MEF2A: variants seen among roughly 807,000 people sequenced by gnomAD.
MEF2A encodes myocyte-specific enhancer factor 2A.
MEF2A carries 28 observed loss-of-function variants against 55.8 expected under a neutral mutation model. That is an observed-to-expected ratio of 0.50 (90% confidence interval 0.37 to 0.69). The LOEUF is 0.69. Among genes scored for constraint, MEF2A ranks in the 30% least tolerant of loss-of-function variants. The pLI, the probability that MEF2A is intolerant of heterozygous loss-of-function variation, is 0.00. For synonymous variants in MEF2A, 239 were observed against 227.1 expected (o/e 1.05, Z -0.47); for missense variants, 528 against 626.2 (o/e 0.84, Z 1.67).
chr15:99,591,744 T>A (rs960586410), intron 1 of MEF2A, among the ~76,000 whole-genome samples: 3 of 152,190 alleles, frequency 2.0e-5, no homozygotes, highest in Non-Finnish European at 2.9e-5. Context: ...TTTTGTCATC[T>A]TCTTTTCTGC....
At chr15:99,702,355 G>T (rs147242494) in intron 8 of MEF2A, among the ~76,000 whole-genome samples, 1 of 151,482 alleles carries the variant, frequency 6.6e-6, no homozygotes, top group Admixed American at 6.6e-5. Context: ...AGTAAAACAA[G>T]TAAAAACTGA....
rs3979129 is a variant in MEF2A at position 99,695,541 on chromosome 15, T to TTGTGTG, written c.858+5137_858+5142dup. ...AGCGTCAGTTAAAAGATTGTCAGAT[T>TTGTGTG]TGTGTGTGTGTGTGTGTGTGTGTGT... On this transcript the variant is annotated intron_variant, in intron 8 of 11. Transcript: ENST00000557942. Among the ~76,000 whole-genome samples the TTGTGTG allele has an allele frequency of 8.1e-3, 1,173 of 144,718 alleles. 4 individuals are homozygous for TTGTGTG. Among genetic ancestry groups the TTGTGTG allele is most frequent in the Middle Eastern group, 0.021 (6 of 286 alleles). 94.9% of individuals were successfully genotyped at this position (144,718 alleles called of 152,430 possible).
chr15:99,711,418 A>G (rs1032950935), intron 11 of MEF2A, among the ~76,000 whole-genome samples: 4 of 152,308 alleles, frequency 2.6e-5, no homozygotes, highest in South Asian at 2.1e-4. Flanking sequence ...AGCAAAGAGG[A>G]TTTACAGTGG....
intron 4 of MEF2A, among the ~76,000 whole-genome samples, chr15:99,656,925 G>A (rs958975976): frequency 1.3e-4 from 20 of 151,912 alleles, no homozygotes; most frequent in Admixed American, 3.9e-4. Context: ...TCATCAATCC[G>A]AAAAGAAACC....
chr15:99,686,872 T>A (rs369318036), intron 7 of MEF2A, among the ~76,000 whole-genome samples: 269 of 152,212 alleles, frequency 1.8e-3, no homozygotes, highest in African/African-American at 4.9e-3. Flanking sequence ...TTTGGCTGTT[T>A]AGCGTAATCT....
rs2058776028 is a variant in MEF2A at position 99,712,549 on chromosome 15, A to AGCCCCAGCCACAACCC, written c.1296_1297insGCCCCAGCCACAACCC (p.Pro433AlafsTer33). The AGCCCCAGCCACAACCC allele has an allele frequency of 1.3e-6, 2 of 1,550,070 alleles. No homozygotes were observed. The stretch of plus-strand genomic sequence containing the variant: ...AGCAGCAGCAGCAGCCGCCGCCACC[A>AGCCCCAGCCACAACCC]CCGCAGCCCCAGCCACAACCCCCGC... On this transcript the variant is annotated frameshift_variant, in exon 12 of 12. Coordinates refer to ENST00000557942, the MANE Select transcript of MEF2A (RefSeq NM_001319206.4). LOFTEE classifies it high-confidence loss of function. The surrounding 1 kb of genome is among the most constrained non-coding windows in gnomAD (Gnocchi z 4.1).
At chr15:99,662,809 T>C (rs1206411957) in intron 4 of MEF2A, among the ~76,000 whole-genome samples, 6 of 152,208 alleles carry the variant, frequency 3.9e-5, no homozygotes, top group Non-Finnish European at 7.3e-5. Flanking sequence ...TACAAGCACT[T>C]GCTTATACTT....
chr15:99,618,141 A>G (rs143259871), intron 2 of MEF2A, among the ~76,000 whole-genome samples: 115 of 152,310 alleles, frequency 7.6e-4, no homozygotes, highest in African/African-American at 2.3e-3. Flanking sequence ...ATAATCTTCA[A>G]TTAATATTAC....
Position 99,633,019 on chromosome 15 carries a change from TGAA to T in MEF2A, c.-100_-98del. ...CAGCTGTAGCCCTTGGACTAGAAGCTGAAATAACAGAAGCTGTGTACGATGCAT... is the reference window on the plus strand; with the variant it reads ...CAGCTGTAGCCCTTGGACTAGAAGCTATAACAGAAGCTGTGTACGATGCAT... On this transcript the variant is annotated 5_prime_UTR_variant, in exon 3 of 12. Transcript: ENST00000557942. The T allele has an allele frequency of 1.1e-6, 1 of 947,794 alleles. No individual in the cohort carries two copies. Among genetic ancestry groups the T allele is most frequent in the East Asian group, 2.8e-5 (1 of 35,706 alleles). The allele number at this position is 947,794 out of a possible 1,614,324, so 58.7% of individuals were successfully genotyped here. A position where few individuals can be genotyped will look rare whatever the true frequency, so the allele number is the denominator to read the frequency against.
rs1179247489 is a variant in MEF2A at position 99,715,259 on chromosome 15, G to GTACAT, written c.*2490_*2494dup. 6.6e-6 allele frequency: 1 copy of GTACAT among 152,116 alleles called. No individual in the cohort carries two copies. Among genetic ancestry groups the GTACAT allele is most frequent in the Admixed American group, 6.5e-5 (1 of 15,276 alleles). The allele number at this position is 152,116 out of a possible 1,614,324, so 9.4% of individuals were successfully genotyped here. A position where few individuals can be genotyped will look rare whatever the true frequency, so the allele number is the denominator to read the frequency against. ...TTATGCATGTTCATGAACTTCTGCTGTACATTGGAATAGGAGTTAACACAT... is the reference window on the plus strand; with the variant it reads ...TTATGCATGTTCATGAACTTCTGCTGTACATTACATTGGAATAGGAGTTAACACAT... On this transcript the variant is annotated 3_prime_UTR_variant, in exon 12 of 12. Coordinates refer to ENST00000557942, the MANE Select transcript of MEF2A (RefSeq NM_001319206.4).
intron 2 of MEF2A, among the ~76,000 whole-genome samples, chr15:99,629,630 G>C (rs2042615368): frequency 6.6e-6 from 1 of 152,102 alleles, no homozygotes; most frequent in South Asian, 2.1e-4. Context: ...GGCGTGCCTG[G>C]GCATCTAACA....
At chr15:99,608,643 A>C (rs960708959) in intron 2 of MEF2A, among the ~76,000 whole-genome samples, 1 of 152,210 alleles carries the variant, frequency 6.6e-6, no homozygotes, top group Non-Finnish European at 1.5e-5. Context: ...TCACGCCTGT[A>C]ATGTCAGCAT....
chr15:99,716,261 T>C lies in MEF2A; in HGVS notation c.*3490T>C, dbSNP rs1268990790. 2.9e-6 allele frequency: 1 copy of C among 340,866 alleles called. No individual in the cohort carries two copies. The highest frequency in any genetic ancestry group is 7.6e-5 in the East Asian group (1 of 13,174). 21.1% of individuals were successfully genotyped at this position (340,866 alleles called of 1,614,324 possible). On this transcript the variant is annotated 3_prime_UTR_variant, in exon 12 of 12. Coordinates refer to ENST00000557942, the MANE Select transcript of MEF2A (RefSeq NM_001319206.4). Reference sequence around the variant, plus strand: ...CAAGAAGCTGTACACGGTTTGATCATGTAAAACCGTTTGGCGGCACAAGCT... The same window carrying C: ...CAAGAAGCTGTACACGGTTTGATCACGTAAAACCGTTTGGCGGCACAAGCT...
intron 4 of MEF2A, among the ~76,000 whole-genome samples, chr15:99,651,068 C>T (rs2046771557): frequency 6.6e-6 from 1 of 151,982 alleles, no homozygotes; most frequent in Admixed American, 6.6e-5. Context: ...TTTTTTAAAC[C>T]CTCTAAAAAG....
chr15:99,577,671 A>G (rs1964719623), intron 1 of MEF2A, among the ~76,000 whole-genome samples: 1 of 150,718 alleles, frequency 6.6e-6, no homozygotes, highest in Non-Finnish European at 1.5e-5. Flanking sequence ...TTTTTCTTCT[A>G]ATGGTGTTTA....
chr15:99,715,546 C>T lies in MEF2A; in HGVS notation c.*2775C>T, dbSNP rs535489758. 7 of 152,342 alleles carry T rather than the reference C, an allele frequency of 4.6e-5. No individual in the cohort carries two copies. In the South Asian group the frequency reaches 1.4e-3, roughly 32 times the overall value. 9.4% of individuals were successfully genotyped at this position (152,342 alleles called of 1,614,324 possible). On this transcript the variant is annotated 3_prime_UTR_variant, in exon 12 of 12. Coordinates refer to ENST00000557942, the MANE Select transcript of MEF2A (RefSeq NM_001319206.4). Reference sequence around the variant, plus strand: ...GCATATGGACTTGACAGACATCTCTCACCCAGACGCCCACGTGTGAACACA... The same window carrying T: ...GCATATGGACTTGACAGACATCTCTTACCCAGACGCCCACGTGTGAACACA...
rs1326957804 is a variant in MEF2A at position 99,714,938 on chromosome 15, G to T, written c.*2167G>T. 3 of 151,846 alleles carry T rather than the reference G, an allele frequency of 2.0e-5. No individual in the cohort carries two copies. Among genetic ancestry groups the T allele is most frequent in the Non-Finnish European group, 4.4e-5 (3 of 68,016 alleles). The allele number at this position is 151,846 out of a possible 1,614,324, so 9.4% of individuals were successfully genotyped here. A position where few individuals can be genotyped will look rare whatever the true frequency, so the allele number is the denominator to read the frequency against. On this transcript the variant is annotated 3_prime_UTR_variant, in exon 12 of 12. Transcript: ENST00000557942. Reference sequence around the variant, plus strand: ...AGGAGAGACCTGCGCACCACAGGCTGCAAACTGGAGGTTCTGTTCTCATGG... The same window carrying T: ...AGGAGAGACCTGCGCACCACAGGCTTCAAACTGGAGGTTCTGTTCTCATGG...
At chr15:99,567,434 G>C (rs1489663151) in intron 1 of MEF2A, among the ~76,000 whole-genome samples, 1 of 152,174 alleles carries the variant, frequency 6.6e-6, no homozygotes. Context: ...CAGCTGTGTT[G>C]TTTTGGCAAC....
chr15:99,653,142 G>A (rs2047124202), intron 4 of MEF2A, among the ~76,000 whole-genome samples: 1 of 152,272 alleles, frequency 6.6e-6, no homozygotes, highest in East Asian at 1.9e-4. Flanking sequence ...GATACTAGGT[G>A]CTTCCCGTGT....
Sources: gnomAD v4.1 joint callset for allele counts (sites outside exome capture counted in the v4.1 genomes callset) on GRCh38, gnomAD v4.1.1 for gene constraint, Gnocchi (gnomAD v3.1) non-coding constraint, MANE v1.5 for transcripts, NCBI Gene and HGNC (gene_info 2026-07-23, HGNC 2026-07-21) for gene names.